Variants in NHLH2 observed in about 807,000 individuals in gnomAD.
NHLH2 encodes helix-loop-helix protein 2.
Under a neutral mutation model 7.3 loss-of-function variants are expected in NHLH2, and 7 were observed. That is an observed-to-expected ratio of 0.96 (90% CI 0.55 to 1.81). The LOEUF is 1.81. Ranked by LOEUF, NHLH2 falls within the 40% of genes most tolerant of loss-of-function variation. The pLI is 0.00. For synonymous variants in NHLH2, 93 were observed against 91.6 expected, an observed-to-expected ratio of 1.01 and a Z score of -0.09; for missense variants, 155 against 194.0, an observed-to-expected ratio of 0.80 and a Z score of 1.19.
chr1:115,831,652 C>A (rs1650754134), downstream of NHLH2, among the ~76,000 whole-genome samples: 1 of 144,922 alleles, frequency 6.9e-6, no homozygotes, highest in Non-Finnish European at 1.5e-5. Context: ...GGCGCGGTGG[C>A]TCACGCCTGT....
At chr1:115,832,150 T>C (rs1027530628), downstream of NHLH2, among the ~76,000 whole-genome samples, 2 of 152,164 alleles carry the variant, frequency 1.3e-5, no homozygotes, top group African/African-American at 2.4e-5. Flanking sequence ...ATTCGTGCTA[T>C]GGGAAAAACC....
rs182181890 is a variant in NHLH2, at chr1:115,836,735, T to C, written c.*1230A>G. The C allele has an allele frequency of 1.3e-5, 2 of 152,108 alleles. No individual in the cohort carries two copies. The highest frequency in any genetic ancestry group is 3.9e-4 in the East Asian group (2 of 5,178). 9.4% of individuals were successfully genotyped at this position (152,108 alleles called of 1,614,324 possible). ...GCTAAATTCATCACACGCACAAACA[T>C]CACACACACAAAGAAGCTACTCTCC... On this transcript the variant is annotated 3_prime_UTR_variant, in exon 3 of 3. Coordinates refer to ENST00000320238, the MANE Select transcript of NHLH2 (RefSeq NM_005599.3).
chr1:115,837,637 C>CAAT lies in NHLH2; in HGVS notation c.*327_*328insATT, dbSNP rs1650914580. On this transcript the variant is annotated 3_prime_UTR_variant, in exon 3 of 3. Coordinates refer to ENST00000320238, the MANE Select transcript of NHLH2 (RefSeq NM_005599.3). ...TGTGGCGGATGAATGTAGGAGAACT[C>CAAT]AAAGTCTCCAGTGGGTTAAAACCAC... 3.0e-6 allele frequency: 1 copy of CAAT among 328,698 alleles called. No individual in the cohort carries two copies. The highest frequency in any genetic ancestry group is 8.1e-5 in the East Asian group (1 of 12,368). The allele number at this position is 328,698 out of a possible 1,614,324, so 20.4% of individuals were successfully genotyped here.
downstream of NHLH2, among the ~76,000 whole-genome samples, chr1:115,832,578 C>T (rs1650778809): frequency 6.6e-6 from 1 of 152,178 alleles, no homozygotes; most frequent in African/African-American, 2.4e-5. Context: ...GTTGTCCCAT[C>T]TTATGGATGA....
chr1:115,838,854 C>G (rs1199430389), intron 2 of NHLH2: 1 of 167,914 alleles, frequency 6.0e-6, no homozygotes, highest in Non-Finnish European at 1.4e-5. Flanking sequence ...CTTCTCGCCC[C>G]GAGGGCCTCC....
At chr1:115,833,206 A>G (rs1472151124), downstream of NHLH2, among the ~76,000 whole-genome samples, 3 of 152,190 alleles carry the variant, frequency 2.0e-5, no homozygotes, top group Non-Finnish European at 4.4e-5. Flanking sequence ...GTGGTAGTGA[A>G]TGACGGTGCC....
In NHLH2 at chr1:115,837,641, G is replaced by C. The variant is rs1190227732; in HGVS notation, c.*324C>G. On this transcript the variant is annotated 3_prime_UTR_variant, in exon 3 of 3. Coordinates refer to ENST00000320238, the MANE Select transcript of NHLH2 (RefSeq NM_005599.3). ...GCGGATGAATGTAGGAGAACTCAAA[G>C]TCTCCAGTGGGTTAAAACCACAACC... is the stretch of plus-strand genomic sequence containing the variant. 3.0e-6 allele frequency: 1 copy of C among 337,510 alleles called. No individual in the cohort carries two copies. Among genetic ancestry groups the C allele is most frequent in the Non-Finnish European group, 5.4e-6 (1 of 185,918 alleles). 20.9% of individuals were successfully genotyped at this position (337,510 alleles called of 1,614,324 possible).
At position 115,836,770 on chromosome 1, in the gene NHLH2, G is replaced by C. The variant is rs1650882027; in HGVS notation, c.*1195C>G. ...AAAGAAGCTACTCTCCTTATAAACA[G>C]CTTGTAAAGGACTTCTCAGACATAA... is the stretch of plus-strand genomic sequence containing the variant. On this transcript the variant is annotated 3_prime_UTR_variant, in exon 3 of 3. Coordinates refer to ENST00000320238, the MANE Select transcript of NHLH2 (RefSeq NM_005599.3). 2 of 151,928 alleles carry C rather than the reference G, an allele frequency of 1.3e-5. No homozygotes were observed. The highest frequency in any genetic ancestry group is 2.9e-5 in the Non-Finnish European group (2 of 67,974). 9.4% of individuals were successfully genotyped at this position (151,928 alleles called of 1,614,324 possible).
chr1:115,832,502 A>G (rs2797195), downstream of NHLH2, among the ~76,000 whole-genome samples: 9,541 of 152,252 alleles, frequency 0.063, 1,049 homozygotes, highest in African/African-American at 0.22. Flanking sequence ...ATGTATTCCT[A>G]TTCTGATAAG....
chr1:115,838,499 C>T, intron 2 of NHLH2, 119 bp from the exon 3 acceptor site: 1 of 1,174,202 alleles, frequency 8.5e-7, no homozygotes, highest in Non-Finnish European at 1.2e-6. Context: ...GCCCCCTCCC[C>T]ACAGCAGGCC....
chr1:115,840,247 C>CA lies in NHLH2; in HGVS notation c.-41dup, dbSNP rs1228086635. On this transcript the variant is annotated 5_prime_UTR_variant, in exon 2 of 3. Transcript: ENST00000320238. ...AAAGCCTTTTTGATAATCTGTTCTC[C>CA]AATCTTTAGAGTTAAAATTCCAAGG... 6.0e-6 allele frequency: 1 copy of CA among 166,986 alleles called. No homozygotes were observed. The highest frequency in any genetic ancestry group is 1.5e-5 in the Non-Finnish European group (1 of 68,112). The allele number at this position is 166,986 out of a possible 1,614,324, so 10.3% of individuals were successfully genotyped here.
rs1650914416 is a variant in NHLH2 at position 115,837,635 on chromosome 1, C to A, written c.*330G>T. The stretch of plus-strand genomic sequence containing the variant: ...TTTGTGGCGGATGAATGTAGGAGAA[C>A]TCAAAGTCTCCAGTGGGTTAAAACC... On this transcript the variant is annotated 3_prime_UTR_variant, in exon 3 of 3. Transcript: ENST00000320238. The A allele has an allele frequency of 6.2e-6, 2 of 323,818 alleles. No individual in the cohort carries two copies. The highest frequency in any genetic ancestry group is 1.1e-5 in the Non-Finnish European group (2 of 177,240). 20.1% of individuals were successfully genotyped at this position (323,818 alleles called of 1,614,324 possible). A position where few individuals can be genotyped will look rare whatever the true frequency, so the allele number is the denominator to read the frequency against.
intron 2 of NHLH2, chr1:115,839,147 T>C (rs1650980382): frequency 6.0e-6 from 1 of 167,078 alleles, no homozygotes; most frequent in Non-Finnish European, 1.5e-5. Flanking sequence ...GCCACACACA[T>C]AGGGGACCTA....
chr1:115,838,634 ACTTGCAGACGGCCACAGCGGGC>A, intron 2 of NHLH2: 1 of 414,860 alleles, frequency 2.4e-6, no homozygotes, highest in Non-Finnish European at 4.4e-6. Context: ...GGACACCTCG[ACTTGCAGACGGCCACAGCGGGC>A]CTGTGGCCCT....
downstream of NHLH2, among the ~76,000 whole-genome samples, chr1:115,832,555 G>A (rs1013136034): frequency 1.3e-5 from 2 of 152,170 alleles, no homozygotes; most frequent in African/African-American, 4.8e-5. Context: ...ATGCATTTGA[G>A]ATTGGTACAT....
Position 115,840,520 on chromosome 1 carries a change from G to A in NHLH2, c.-313C>T, listed in dbSNP as rs1190969552. The A allele has an allele frequency of 1.2e-5, 2 of 166,894 alleles. No homozygotes were observed. The highest frequency in any genetic ancestry group is 2.9e-5 in the Non-Finnish European group (2 of 68,092). 10.3% of individuals were successfully genotyped at this position (166,894 alleles called of 1,614,324 possible). On this transcript the variant is annotated 5_prime_UTR_variant, in exon 2 of 3. The change creates a new upstream start codon in the 5' untranslated region. Transcript: ENST00000320238. ...TTTAAACGATGTGTTGAAAAGTCTC[G>A]TGCCTTTTTTCCTCTTCTAGGTCTC... is the stretch of plus-strand genomic sequence containing the variant.
downstream of NHLH2, among the ~76,000 whole-genome samples, chr1:115,831,456 T>G (rs1478846899): frequency 6.6e-6 from 1 of 152,192 alleles, no homozygotes; most frequent in Non-Finnish European, 1.5e-5. Flanking sequence ...AGTAAGTATC[T>G]CTTAAAAGAT....
chr1:115,838,454 A>G, intron 2 of NHLH2, 74 bp from the exon 3 acceptor site: 3 of 1,507,074 alleles, frequency 2.0e-6, no homozygotes, highest in Non-Finnish European at 2.7e-6. Flanking sequence ...GCCGAGGCCT[A>G]CCACGCCGGT....
At chr1:115,832,044 C>T (rs1196592145), downstream of NHLH2, among the ~76,000 whole-genome samples, 1 of 152,108 alleles carries the variant, frequency 6.6e-6, no homozygotes, top group Non-Finnish European at 1.5e-5. Context: ...GGTGAGCAGG[C>T]CTGAAAACTG....
Sources: allele counts gnomAD v4.1 joint callset (sites outside exome capture counted in the v4.1 genomes callset), GRCh38; gene constraint gnomAD v4.1.1; transcripts MANE v1.5; gene names NCBI Gene and HGNC (gene_info 2026-07-23, HGNC 2026-07-21).